The following CUBN variants were observed in gnomAD, a reference collection of about 807,000 sequenced individuals.
CUBN encodes cubilin.
Under a neutral mutation model 405.3 loss-of-function variants are expected in CUBN, and 282 were observed. The observed-to-expected ratio is 0.70, with a 90% CI of 0.63 to 0.77. The LOEUF (loss-of-function observed/expected upper bound fraction) is 0.77, where lower values mean the gene tolerates loss of function less well. CUBN is among the 30% of genes least tolerant of loss of function. The pLI is 0.00. For synonymous variants in CUBN, 1,684 were observed against 1,617.0 expected (o/e 1.04, Z -0.99); for missense variants, 4,514 against 4,475.2 (o/e 1.01, Z -0.25).
chr10:16,975,003 C>T (rs1273395443), intron 31 of CUBN, among the ~76,000 whole-genome samples: 1 of 151,836 alleles, frequency 6.6e-6, no homozygotes, highest in Admixed American at 6.6e-5. Context: ...GCCTTCTGTC[C>T]GTCATAGGTA....
At chr10:17,042,236 A>G (rs1268398940) in intron 26 of CUBN, among the ~76,000 whole-genome samples, 1 of 152,196 alleles carries the variant, frequency 6.6e-6, no homozygotes, top group Non-Finnish European at 1.5e-5. Flanking sequence ...AGTTTTGTCC[A>G]TAAAGGATTT....
chr10:16,828,929 C>T lies in CUBN; in HGVS notation c.10640G>A (p.Arg3547Lys). The change falls in exon 66 of 67, where the codon AGG becomes AAG. Residue 3547 changes from arginine (R) to lysine (K), a missense_variant. By Grantham distance (26) the Arg-to-Lys change is conservative. Transcript: ENST00000377833. ...CEWVLVAPAG[R>K]LVTINFYFIS... ...GAAGTAGAAGTTGATGGTGACAAGC[C>T]TTCCAGCAGGAGCAACAAGGACCCA... 1 of 1,614,130 alleles carries T rather than the reference C, an allele frequency of 6.2e-7. No individual in the cohort carries two copies.
chr10:16,871,254 C>T (rs944642092), intron 58 of CUBN, among the ~76,000 whole-genome samples: 5 of 151,686 alleles, frequency 3.3e-5, no homozygotes, highest in Non-Finnish European at 7.4e-5. Context: ...GTTGGCCAGG[C>T]TGGTCTTGAA....
At chr10:17,123,997 C>T (rs186266889) in intron 4 of CUBN, among the ~76,000 whole-genome samples, 1 of 152,140 alleles carries the variant, frequency 6.6e-6, no homozygotes, top group Non-Finnish European at 1.5e-5. Flanking sequence ...AGAAAGAGAC[C>T]TCAGTGGACA....
At chr10:16,975,671 G>T (rs1397553325) in intron 31 of CUBN, among the ~76,000 whole-genome samples, 24 of 129,416 alleles carry the variant, frequency 1.9e-4, no homozygotes, top group Non-Finnish European at 3.5e-4. Flanking sequence ...TCGCTGTGTC[G>T]CCAGGCTGGA....
At position 17,089,696 on chromosome 10, in the gene CUBN, A is replaced by C. The variant is rs563628612; in HGVS notation, c.1766-1351T>G. 2.6e-5 allele frequency among the ~76,000 whole-genome samples: 4 copies of C among 152,346 alleles called. No individual in the cohort carries two copies. In the South Asian group the frequency reaches 8.3e-4, roughly 32 times the overall value. ...ATAAGAGAATATAGCAATACCTAGC[A>C]AAAACCTATGCATTTCATTTTCTTT... On this transcript the variant is annotated intron_variant, in intron 14 of 66. Transcript: ENST00000377833.
chr10:17,094,148 C>T (rs772368045), intron 14 of CUBN, among the ~76,000 whole-genome samples: 7 of 151,934 alleles, frequency 4.6e-5, no homozygotes, highest in Non-Finnish European at 8.8e-5. Flanking sequence ...TAAATATAAA[C>T]ACACAATAAA....
At chr10:16,902,397 G>A (rs894137223) in intron 51 of CUBN, among the ~76,000 whole-genome samples, 2 of 147,508 alleles carry the variant, frequency 1.4e-5, no homozygotes, top group Admixed American at 6.9e-5. Context: ...AAATTAAATA[G>A]AAGAAAAGTA....
At chr10:16,899,252 C>T (rs1841286704) in intron 53 of CUBN, 69 bp from the exon 54 acceptor site, 11 of 1,123,680 alleles carry the variant, frequency 9.8e-6, no homozygotes, top group African/African-American at 1.5e-5. Flanking sequence ...AAGACTGCTA[C>T]AGAAGGAACA....
At chr10:16,851,485 C>G in intron 59 of CUBN, 42 bp from the exon 60 acceptor site, 1 of 1,551,616 alleles carries the variant, frequency 6.4e-7, no homozygotes, top group Non-Finnish European at 8.9e-7. Flanking sequence ...CCAAACAGAA[C>G]CGACCTTACA....
chr10:16,963,511 T>C (rs1265063797), intron 31 of CUBN, among the ~76,000 whole-genome samples: 1 of 152,142 alleles, frequency 6.6e-6, no homozygotes. Context: ...CTAACGAAAT[T>C]TAACATACAG....
intron 13 of CUBN, among the ~76,000 whole-genome samples, chr10:17,102,597 T>A (rs1165847556): frequency 4.6e-5 from 2 of 43,132 alleles, no homozygotes; most frequent in African/African-American, 1.5e-4. Flanking sequence ...TTGTTACTCT[T>A]TTTTTTTTTT....
In CUBN at chr10:16,933,298, A is replaced by C. The variant is rs764145996; in HGVS notation, c.5927-14T>G. Reference sequence around the variant, plus strand: ...CACCACAAGCACCTGTAGAATAGAAAGCAACATCTTTGACACAGCCCTAAT... The same window carrying C: ...CACCACAAGCACCTGTAGAATAGAACGCAACATCTTTGACACAGCCCTAAT... On this transcript the variant is annotated splice_polypyrimidine_tract_variant and intron_variant, in intron 39 of 66. Coordinates refer to ENST00000377833, the MANE Select transcript of CUBN (RefSeq NM_001081.4). 13 of 1,612,272 alleles carry C rather than the reference A, an allele frequency of 8.1e-6. No individual in the cohort carries two copies. In the East Asian group the frequency reaches 2.7e-4, roughly 33 times the overall value.
intron 22 of CUBN, 144 bp from the exon 23 acceptor site, chr10:17,047,747 C>A (rs1835172809): frequency 1.4e-6 from 1 of 738,772 alleles, no homozygotes; most frequent in South Asian, 1.9e-5. Flanking sequence ...AGACTTCATT[C>A]TGAAACAAAG....
intron 28 of CUBN, among the ~76,000 whole-genome samples, chr10:17,018,819 CGCTGATTGGTGGGTTTTTACAGAGT>C (rs1333030739): frequency 1.3e-5 from 2 of 152,100 alleles, no homozygotes; most frequent in Non-Finnish European, 2.9e-5. Flanking sequence ...AGACACAGAG[CGCTGATTGGTGGGTTTTTACAGAGT>C]GCTGATTGGT....
At chr10:16,967,773 G>C (rs1843433109) in intron 31 of CUBN, among the ~76,000 whole-genome samples, 1 of 150,162 alleles carries the variant, frequency 6.7e-6, no homozygotes, top group Non-Finnish European at 1.5e-5. Flanking sequence ...GAGAAGGAGG[G>C]AGAAAGAGAG....
At chr10:16,925,517 T>C in intron 42 of CUBN, 67 bp downstream of exon 42, 1 of 1,610,758 alleles carries the variant, frequency 6.2e-7, no homozygotes, top group Non-Finnish European at 8.5e-7. Flanking sequence ...GAGAGAAAAA[T>C]TATCATTTTG....
At chr10:17,066,579 T>C (rs45447094) in intron 21 of CUBN, among the ~76,000 whole-genome samples, 82 of 152,114 alleles carry the variant, frequency 5.4e-4, no homozygotes, top group Non-Finnish European at 9.3e-4. Context: ...GGTGAACTAA[T>C]TGATATTTTA....
intron 60 of CUBN, among the ~76,000 whole-genome samples, chr10:16,850,892 G>T (rs1324577286): frequency 6.6e-6 from 1 of 152,162 alleles, no homozygotes; most frequent in Non-Finnish European, 1.5e-5. Context: ...CACTGACATT[G>T]TTTATTTTAG....
Sources: allele counts gnomAD v4.1 joint callset (sites outside exome capture counted in the v4.1 genomes callset), GRCh38; gene constraint gnomAD v4.1.1; transcripts MANE v1.5; gene names NCBI Gene and HGNC (gene_info 2026-07-23, HGNC 2026-07-21).